The following C2orf49 variants were observed in gnomAD, a reference collection of about 807,000 sequenced individuals.
C2orf49 encodes the protein tRNA-splicing ligase complex subunit ASW.
C2orf49 carries 11 observed loss-of-function variants against 20.6 expected under a neutral mutation model. The observed-to-expected ratio is 0.53, with a 90% CI of 0.34 to 0.88. C2orf49 has a LOEUF of 0.88. Among genes scored for constraint, C2orf49 ranks in the 40% least tolerant of loss-of-function variants. C2orf49 has a pLI of 0.02. For synonymous variants in C2orf49, 134 were observed against 108.5 expected (o/e 1.24, Z -1.46); for missense variants, 289 against 274.2 (o/e 1.05, Z -0.38).
chr2:105,378,009 T>C, the C2orf49 span: 1 of 463,840 alleles, frequency 2.2e-6, no homozygotes, highest in South Asian at 1.6e-5. Flanking sequence ...CAAGAAAAAC[T>C]GAGAGAGAAA....
the C2orf49 span, chr2:105,367,553 G>T: frequency 6.2e-7 from 1 of 1,603,374 alleles, no homozygotes; most frequent in South Asian, 1.1e-5. Context: ...CAAGGGCCAA[G>T]GGGGCATCTG....
the C2orf49 span, among the ~76,000 whole-genome samples, chr2:105,355,805 TGTGTGTG>T: frequency 6.6e-6 from 1 of 151,104 alleles, no homozygotes; most frequent in Admixed American, 6.6e-5. Context: ...TGTGTGTGTG[TGTGTGTG>T]TGTGTATCAC....
the C2orf49 span, among the ~76,000 whole-genome samples, chr2:105,364,708 T>G: frequency 1.3e-5 from 2 of 152,070 alleles, no homozygotes; most frequent in Middle Eastern, 3.2e-3. Context: ...TTGCTTTTTA[T>G]TTTTTGAACA....
intron 2 of C2orf49, among the ~76,000 whole-genome samples, chr2:105,342,001 C>CAT (rs574123392): frequency 6.6e-5 from 10 of 152,138 alleles, no homozygotes; most frequent in Non-Finnish European, 1.5e-4. Flanking sequence ...GGTGAAACCC[C>CAT]GTCTCTACTA....
chr2:105,371,879 C>T, the C2orf49 span, among the ~76,000 whole-genome samples: 28 of 152,298 alleles, frequency 1.8e-4, no homozygotes, highest in African/African-American at 6.0e-4. Flanking sequence ...GGGCAGGACA[C>T]AGGTCAGCCT....
chr2:105,356,143 A>T, the C2orf49 span, among the ~76,000 whole-genome samples: 1 of 152,136 alleles, frequency 6.6e-6, no homozygotes, highest in African/African-American at 2.4e-5. Context: ...TAATCCCAGC[A>T]CTTTTGGGAG....
At chr2:105,356,949 T>C in the C2orf49 span, among the ~76,000 whole-genome samples, 1 of 152,148 alleles carries the variant, frequency 6.6e-6, no homozygotes, top group Non-Finnish European at 1.5e-5. Context: ...TTTTTCTTTT[T>C]CTTTTTTAAG....
downstream of C2orf49, among the ~76,000 whole-genome samples, chr2:105,353,149 A>G (rs955043642): frequency 3.3e-5 from 5 of 152,146 alleles, no homozygotes; most frequent in Middle Eastern, 3.2e-3. Context: ...TTAATCAAGA[A>G]ATCACTTCCA....
In C2orf49 at chr2:105,342,936, G is replaced by A; in HGVS notation, c.355G>A (p.Glu119Lys). 6.2e-7 allele frequency: 1 copy of A among 1,614,226 alleles called. No homozygotes were observed. Among genetic ancestry groups the A allele is most frequent in the Non-Finnish European group, 8.5e-7 (1 of 1,180,038 alleles). The change falls in exon 3 of 4, where the codon GAG becomes AAG. Residue 119 changes from glutamate to lysine, a missense_variant. Coordinates refer to ENST00000258457, the MANE Select transcript of C2orf49 (RefSeq NM_024093.3). Reference protein sequence around the residue: ...TSTSIKVKKTENGDNDRLKPP... With the variant: ...TSTSIKVKKTKNGDNDRLKPP... ...TACAAGCATAAAAGTGAAAAAGACA[G>A]AGAATGGAGATAATGATCGACTGAA...
the C2orf49 span, chr2:105,373,751 A>C: frequency 6.2e-7 from 1 of 1,613,242 alleles, no homozygotes; most frequent in Middle Eastern, 1.8e-4. Context: ...GCCAGACCAC[A>C]CAAGACAGTC....
At chr2:105,339,458 T>C (rs1679604604) in intron 1 of C2orf49, 125 bp from the exon 2 acceptor site, 3 of 834,228 alleles carry the variant, frequency 3.6e-6, no homozygotes, top group Non-Finnish European at 5.6e-6. Context: ...GTGCGCGTGT[T>C]ATTGTGAAAA....
At chr2:105,364,300 A>T in the C2orf49 span, among the ~76,000 whole-genome samples, 3 of 152,124 alleles carry the variant, frequency 2.0e-5, no homozygotes, top group African/African-American at 7.2e-5. Context: ...GCAAGTGGTA[A>T]CCTCTCCAAT....
downstream of C2orf49, among the ~76,000 whole-genome samples, chr2:105,352,199 T>G (rs1679950798): frequency 6.6e-6 from 1 of 152,202 alleles, no homozygotes; most frequent in Non-Finnish European, 1.5e-5. Context: ...CAGACTCCAC[T>G]CATTTCTAAT....
rs371951148 is a variant in C2orf49, at chr2:105,343,153, C to T, written c.572C>T (p.Pro191Leu). ...CCTTCAGGCCCTGTGAAGTCGCCACCATTGTCCCCTGTTGGAACTACTCCA... is the reference window on the plus strand; with the variant it reads ...CCTTCAGGCCCTGTGAAGTCGCCACTATTGTCCCCTGTTGGAACTACTCCA... Reference protein sequence around the residue: ...KSPSGPVKSPPLSPVGTTPVK... With the variant: ...KSPSGPVKSPLLSPVGTTPVK... Residue 191 changes from proline to leucine, a missense_variant, in exon 3 of 4, where the codon CCA (proline) becomes CTA (leucine). By Grantham distance (98) the Pro-to-Leu change is moderately conservative (BLOSUM62 -3). Transcript: ENST00000258457. The T allele has an allele frequency of 1.2e-5, 20 of 1,613,974 alleles. No individual in the cohort carries two copies. The Admixed American group carries it at 1.3e-4, about 11-fold the overall frequency.
the C2orf49 span, among the ~76,000 whole-genome samples, chr2:105,379,558 C>T: frequency 4.6e-5 from 7 of 152,138 alleles, no homozygotes; most frequent in Admixed American, 3.3e-4. Flanking sequence ...TTCAATGTAA[C>T]GACACCAAAA....
chr2:105,352,430 T>G (rs892544676), downstream of C2orf49, among the ~76,000 whole-genome samples: 8 of 9,038 alleles, frequency 8.9e-4, no homozygotes, highest in Non-Finnish European at 1.8e-3. Context: ...TTTGTTTGGG[T>G]TTTTTTTTTT....
chr2:105,367,380 A>C, the C2orf49 span, among the ~76,000 whole-genome samples: 1 of 152,228 alleles, frequency 6.6e-6, no homozygotes, highest in South Asian at 2.1e-4. Context: ...AACAATGTTG[A>C]TGTCTTTGAA....
the C2orf49 span, chr2:105,361,199 C>T: frequency 2.8e-6 from 4 of 1,434,224 alleles, no homozygotes; most frequent in African/African-American, 5.6e-5. Flanking sequence ...CTGGAAGAAA[C>T]CAGAAGGCAA....
rs1679714602 is a variant in C2orf49 at position 105,343,070 on chromosome 2, A to G, written c.489A>G (p.Lys163=). 6.2e-7 allele frequency: 1 copy of G among 1,614,228 alleles called. No homozygotes were observed. The highest frequency in any genetic ancestry group is 8.5e-7 in the Non-Finnish European group (1 of 1,180,050). ...CTTCCAATTTGCCTGTGAACAATAA[A>G]ACGGAACACAATAATAATGACGCTA... ...ILSSNLPVNN[K]TEHNNNDAKQ... The change falls in exon 3 of 4, where the codon AAA becomes AAG. Residue 163 remains lysine, a synonymous_variant. Transcript: ENST00000258457.
Sources: gnomAD v4.1 joint callset for allele counts (sites outside exome capture counted in the v4.1 genomes callset) on GRCh38, gnomAD v4.1.1 for gene constraint, MANE v1.5 for transcripts, NCBI Gene and HGNC (gene_info 2026-07-23, HGNC 2026-07-21) for gene names.